Variants in ZNF804B observed in about 807,000 individuals in gnomAD.
ZNF804B encodes zinc finger protein 804B.
A neutral mutation model predicts 101.4 loss-of-function variants in ZNF804B; 80 were observed. The ratio of observed to expected loss-of-function variants is 0.79; its 90% CI spans 0.66 to 0.95. The LOEUF is 0.95. Among genes scored for constraint, ZNF804B ranks in the 40% least tolerant of loss-of-function variants. The pLI is 0.00. For missense variants in ZNF804B, 1,673 were observed against 1,561.9 expected (o/e 1.07, Z -1.20); for synonymous variants, 622 against 558.8 (o/e 1.11, Z -1.59).
chr7:89,028,089 A>G (rs551265835), intron 1 of ZNF804B, among the ~76,000 whole-genome samples: 32 of 152,280 alleles, frequency 2.1e-4, no homozygotes, highest in Admixed American at 3.9e-4. Flanking sequence ...CCAGCATGTG[A>G]CCTTTGAAAC....
chr7:89,308,977 T>TTTTA (rs1341778014), intron 2 of ZNF804B, among the ~76,000 whole-genome samples: 1 of 152,168 alleles, frequency 6.6e-6, no homozygotes, highest in Non-Finnish European at 1.5e-5. Context: ...GAATTAGTAA[T>TTTTA]TTTATTTATT....
chr7:89,205,313 AC>A (rs774474710), intron 1 of ZNF804B, among the ~76,000 whole-genome samples: 68 of 152,164 alleles, frequency 4.5e-4, no homozygotes, highest in Middle Eastern at 3.5e-3. Context: ...ACATTTCAAA[AC>A]CAATTATGCC....
At chr7:88,945,348 C>T (rs989644732) in intron 1 of ZNF804B, among the ~76,000 whole-genome samples, 1 of 152,016 alleles carries the variant, frequency 6.6e-6, no homozygotes, top group Non-Finnish European at 1.5e-5. Context: ...AATAAGGGAT[C>T]CTTTCCCTAT....
In ZNF804B at chr7:88,873,644, A is replaced by G. The variant is rs981193611; in HGVS notation, c.108+113560A>G. 1.6e-4 allele frequency among the ~76,000 whole-genome samples: 25 copies of G among 152,080 alleles called. 1 individual carries two copies. The highest frequency in any genetic ancestry group is 4.8e-4 in the African/African-American group (20 of 41,420). On this transcript the variant is annotated intron_variant, in intron 1 of 3. Transcript: ENST00000333190. ...TTTAATCCATCTTGAATTGATTTTT[A>G]TACAAGGTGTAAGGAAGGGATCCAG...
At chr7:89,127,368 A>AT (rs1002573757) in intron 1 of ZNF804B, among the ~76,000 whole-genome samples, 1 of 148,478 alleles carries the variant, frequency 6.7e-6, no homozygotes, top group Non-Finnish European at 1.5e-5. Flanking sequence ...CCAAAACGGT[A>AT]TTTTTTTGAA....
chr7:89,169,349 C>T (rs1465046903), intron 1 of ZNF804B, among the ~76,000 whole-genome samples: 1 of 152,194 alleles, frequency 6.6e-6, no homozygotes, highest in Non-Finnish European at 1.5e-5. Context: ...ATATCCCAAT[C>T]ATTGTCCCTC....
intron 2 of ZNF804B, among the ~76,000 whole-genome samples, chr7:89,277,468 T>A (rs1790002722): frequency 4.7e-5 from 1 of 21,462 alleles, no homozygotes; most frequent in African/African-American, 2.5e-4. Flanking sequence ...CCCAATGCTA[T>A]CCCTCCCCCC....
chr7:88,775,192 C>A (rs1245478426), intron 1 of ZNF804B, among the ~76,000 whole-genome samples: 1 of 152,138 alleles, frequency 6.6e-6, no homozygotes, highest in African/African-American at 2.4e-5. Flanking sequence ...CAGGGTGACC[C>A]TACCTAGTCC....
intron 1 of ZNF804B, among the ~76,000 whole-genome samples, chr7:88,901,166 TAA>T (rs1792384525): frequency 6.6e-6 from 1 of 151,866 alleles, no homozygotes; most frequent in Non-Finnish European, 1.5e-5. Flanking sequence ...TATAATTCAT[TAA>T]AATTATAACT....
intron 1 of ZNF804B, among the ~76,000 whole-genome samples, chr7:88,980,353 T>C (rs947046193): frequency 1.3e-5 from 2 of 152,094 alleles, no homozygotes; most frequent in African/African-American, 4.8e-5. Context: ...CTGGATGGTC[T>C]TGATACTTGT....
chr7:88,832,942 T>C (rs931724717), intron 1 of ZNF804B, among the ~76,000 whole-genome samples: 8 of 151,960 alleles, frequency 5.3e-5, no homozygotes, highest in African/African-American at 1.9e-4. Flanking sequence ...CTATGAACTC[T>C]GAGGAATTTA....
chr7:88,929,643 G>C (rs563004598), intron 1 of ZNF804B, among the ~76,000 whole-genome samples: 205 of 152,006 alleles, frequency 1.3e-3, no homozygotes, highest in African/African-American at 4.8e-3. Flanking sequence ...TCTAGTGATA[G>C]TATTGGTTTG....
rs1192392497 is a variant in ZNF804B, at chr7:89,298,226, A to G, written c.250-29118A>G. Among the ~76,000 whole-genome samples the G allele has an allele frequency of 3.6e-4, 34 of 93,342 alleles. 1 individual carries two copies. Among genetic ancestry groups the G allele is most frequent in the African/African-American group, 1.1e-3 (23 of 20,740 alleles). The allele number at this position is 93,342 out of a possible 152,430, so 61.2% of individuals were successfully genotyped here. ...AGTGTGTGTGTGTGTGTATATATAT[A>G]TATATATATATATATATATATATAT... On this transcript the variant is annotated intron_variant, in intron 2 of 3. Coordinates refer to ENST00000333190, the MANE Select transcript of ZNF804B (RefSeq NM_181646.5).
At chr7:89,181,572 G>C (rs1209096348) in intron 1 of ZNF804B, among the ~76,000 whole-genome samples, 1 of 151,994 alleles carries the variant, frequency 6.6e-6, no homozygotes, top group Admixed American at 6.6e-5. Context: ...CTGCGGAATG[G>C]GGGAGGGGTG....
At chr7:89,234,935 A>G (rs1025107344) in intron 2 of ZNF804B, among the ~76,000 whole-genome samples, 1 of 152,106 alleles carries the variant, frequency 6.6e-6, no homozygotes, top group Non-Finnish European at 1.5e-5. Flanking sequence ...TGACTCTGTG[A>G]GTTCATTTCC....
At chr7:88,781,525 G>A (rs1350680666) in intron 1 of ZNF804B, among the ~76,000 whole-genome samples, 1 of 152,208 alleles carries the variant, frequency 6.6e-6, no homozygotes, top group Admixed American at 6.5e-5. Flanking sequence ...TTGTCACAAA[G>A]TTGATCATCA....
In ZNF804B at chr7:89,207,598, C is replaced by T. The variant is rs189608585; in HGVS notation, c.109-10557C>T. Among the ~76,000 whole-genome samples, 359 of 152,172 alleles carry T rather than the reference C, an allele frequency of 2.4e-3. 3 individuals are homozygous for T. The highest frequency in any genetic ancestry group is 9.4e-4 in the Non-Finnish European group (64 of 68,006). ...GTTAGTATATTGTAGTTGATGAACC[C>T]GTATTTATACATTATTATTAGCAAA... On this transcript the variant is annotated intron_variant, in intron 1 of 3. Coordinates refer to ENST00000333190, the MANE Select transcript of ZNF804B (RefSeq NM_181646.5).
intron 3 of ZNF804B, 83 bp downstream of exon 3, chr7:89,327,557 GT>G: frequency 6.5e-7 from 1 of 1,527,902 alleles, no homozygotes; most frequent in Non-Finnish European, 8.8e-7. Flanking sequence ...CTGTAACAAT[GT>G]AAACAAATAA....
intron 1 of ZNF804B, among the ~76,000 whole-genome samples, chr7:89,171,476 C>T (rs1024397068): frequency 6.6e-6 from 1 of 151,214 alleles, no homozygotes; most frequent in South Asian, 2.1e-4. Context: ...CCTCTGTCAC[C>T]CAGGCTGGAG....
Sources: allele counts gnomAD v4.1 joint callset (sites outside exome capture counted in the v4.1 genomes callset), GRCh38; gene constraint gnomAD v4.1.1; transcripts MANE v1.5; gene names NCBI Gene and HGNC (gene_info 2026-07-23, HGNC 2026-07-21).